Variants in ARHGAP11A observed in about 807,000 individuals in gnomAD.
The protein encoded by ARHGAP11A is rho GTPase-activating protein 11A.
Under a neutral mutation model 60.5 loss-of-function variants are expected in ARHGAP11A, and 36 were observed. The observed-to-expected ratio is 0.59, with a 90% CI of 0.46 to 0.79. The LOEUF (loss-of-function observed/expected upper bound fraction) is 0.79. ARHGAP11A is among the 30% of genes least tolerant of loss of function. The pLI is 0.00. For synonymous variants in ARHGAP11A, 362 were observed against 415.5 expected (o/e 0.87, Z 1.57); for missense variants, 1,071 against 1,199.2 (o/e 0.89, Z 1.58).
chr15:32,631,662 G>C (rs951177535), intron 8 of ARHGAP11A, among the ~76,000 whole-genome samples: 1 of 152,128 alleles, frequency 6.6e-6, no homozygotes, highest in Non-Finnish European at 1.5e-5. Context: ...TGCCTCCTGC[G>C]ACCATTGACA....
intron 2 of ARHGAP11A, among the ~76,000 whole-genome samples, chr15:32,622,437 A>G (rs2053358320): frequency 6.6e-6 from 1 of 152,164 alleles, no homozygotes; most frequent in East Asian, 1.9e-4. Flanking sequence ...AAGAAAAAAA[A>G]AAGCAGATTT....
At position 32,637,014 on chromosome 15, in the gene ARHGAP11A, C is replaced by T. The variant is rs2140479291; in HGVS notation, c.2241C>T (p.Asn747=). The change falls in exon 12 of 12, where the codon AAC becomes AAT. Residue 747 remains asparagine (N), a synonymous_variant. Transcript: ENST00000361627. ...AGAATGAGAATATGATGGAAGGTAACTTACCGAAGTGTGCAGCACATAGCA... is the reference window on the plus strand; with the variant it reads ...AGAATGAGAATATGATGGAAGGTAATTTACCGAAGTGTGCAGCACATAGCA... ...LKENENMMEG[N]LPKCAAHSKD... 6.2e-7 allele frequency: 1 copy of T among 1,612,760 alleles called. No homozygotes were observed.
chr15:32,626,302 G>A (rs2053456465), intron 6 of ARHGAP11A, among the ~76,000 whole-genome samples: 1 of 152,072 alleles, frequency 6.6e-6, no homozygotes, highest in African/African-American at 2.4e-5. Context: ...ACATGGATTA[G>A]TTAGGAGTAC....
intron 8 of ARHGAP11A, among the ~76,000 whole-genome samples, chr15:32,632,440 A>G (rs1302362097): frequency 6.6e-6 from 1 of 152,258 alleles, no homozygotes; most frequent in Non-Finnish European, 1.5e-5. Flanking sequence ...AACAAATTAC[A>G]TTCCGGAGTC....
rs543308691 is a variant in ARHGAP11A, at chr15:32,637,434, A to G, written c.2661A>G (p.Ala887=). 9.3e-6 allele frequency: 15 copies of G among 1,614,082 alleles called. No individual in the cohort carries two copies. In the African/African-American group the frequency reaches 1.3e-4, roughly 14 times the overall value. The change falls in exon 12 of 12, where the codon GCA becomes GCG. Residue 887 remains alanine, a synonymous_variant. Coordinates refer to ENST00000361627, the MANE Select transcript of ARHGAP11A (RefSeq NM_014783.6). ...DGALSSCIES[A]SKDSSVSCIK... is the part of the protein sequence containing the mutation. ...CTCTTTCCTCTTGTATAGAAAGTGC[A>G]TCAAAAGATTCCTCTGTTTCATGTA...
chr15:32,626,756 T>G (rs2053467719), intron 6 of ARHGAP11A, among the ~76,000 whole-genome samples: 2 of 152,206 alleles, frequency 1.3e-5, no homozygotes, highest in South Asian at 4.1e-4. Context: ...TCCTGGCTCC[T>G]GGTAGTGGCT....
Position 32,635,890 on chromosome 15 carries a change from T to C in ARHGAP11A, c.1458T>C (p.Asp486=), listed in dbSNP as rs1402535037. The C allele has an allele frequency of 1.2e-6, 2 of 1,610,102 alleles. No homozygotes were observed. Among genetic ancestry groups the C allele is most frequent in the South Asian group, 2.2e-5 (2 of 89,886 alleles). ...AAACAGGTTTGCTTTTTAGCCCAGATGTTGATGAAAAGTTACCAAAGAAAG... is the reference window on the plus strand; with the variant it reads ...AAACAGGTTTGCTTTTTAGCCCAGACGTTGATGAAAAGTTACCAAAGAAAG... ...SVKTGLLFSP[D]VDEKLPKKGS... Residue 486 remains aspartate, a synonymous_variant, in exon 11 of 12, where the codon GAT becomes GAC. Transcript: ENST00000361627.
In ARHGAP11A at chr15:32,636,697, A is replaced by G; in HGVS notation, c.1924A>G (p.Asn642Asp). The G allele has an allele frequency of 6.2e-7, 1 of 1,613,926 alleles. No homozygotes were observed. Among genetic ancestry groups the G allele is most frequent in the Non-Finnish European group, 8.5e-7 (1 of 1,179,948 alleles). The change falls in exon 12 of 12, where the codon AAT becomes GAT. Residue 642 changes from asparagine (N) to aspartate (D), a missense_variant. Coordinates refer to ENST00000361627, the MANE Select transcript of ARHGAP11A (RefSeq NM_014783.6). ...PSYLEDSPEE[N>D]LFETNDLTIV... is the part of the protein sequence containing the mutation. ...TTATTTAGAAGATAGCCCAGAGGAAAATCTATTTGAAACTAATGATTTGAC... is the reference window on the plus strand; with the variant it reads ...TTATTTAGAAGATAGCCCAGAGGAAGATCTATTTGAAACTAATGATTTGAC...
chr15:32,632,810 A>G (rs989183004), intron 8 of ARHGAP11A, 169 bp from the exon 9 acceptor site: 2 of 544,236 alleles, frequency 3.7e-6, no homozygotes, highest in African/African-American at 3.8e-5. Context: ...GCTTTTTCTT[A>G]GCTGAGTTGG....
intron 1 of ARHGAP11A, among the ~76,000 whole-genome samples, chr15:32,616,811 G>C (rs1288628873): frequency 1.3e-5 from 2 of 152,338 alleles, no homozygotes; most frequent in East Asian, 3.9e-4. Flanking sequence ...GTTGTAGAGG[G>C]ACAAGGGAGA....
At chr15:32,616,972 A>G (rs1163801214) in intron 1 of ARHGAP11A, among the ~76,000 whole-genome samples, 2 of 152,164 alleles carry the variant, frequency 1.3e-5, no homozygotes, top group Non-Finnish European at 2.9e-5. Flanking sequence ...TTTTTTTTGT[A>G]TGAGTAAATT....
Position 32,639,934 on chromosome 15 carries a change from A to G in ARHGAP11A, c.*2089A>G, listed in dbSNP as rs1233796460. ...GTCTTATAAATGTAAATAAAGATCT[A>G]ATATTAATTTGGTTATCTAATAACA... On this transcript the variant is annotated 3_prime_UTR_variant, in exon 12 of 12. Coordinates refer to ENST00000361627, the MANE Select transcript of ARHGAP11A (RefSeq NM_014783.6). 1 of 152,134 alleles carries G rather than the reference A, an allele frequency of 6.6e-6. No individual in the cohort carries two copies. Among genetic ancestry groups the G allele is most frequent in the East Asian group, 1.9e-4 (1 of 5,192 alleles). 9.4% of individuals were successfully genotyped at this position (152,134 alleles called of 1,614,324 possible). A position where few individuals can be genotyped will look rare whatever the true frequency, so the allele number is the denominator to read the frequency against.
intron 2 of ARHGAP11A, among the ~76,000 whole-genome samples, chr15:32,621,821 C>CAA (rs376053100): frequency 4.3e-4 from 52 of 120,880 alleles, no homozygotes; most frequent in African/African-American, 7.9e-4. Flanking sequence ...GACTCCGTCT[C>CAA]AAAAAAAAAA....
At chr15:32,617,697 C>T (rs1595756719) in intron 1 of ARHGAP11A, among the ~76,000 whole-genome samples, 1 of 152,158 alleles carries the variant, frequency 6.6e-6, no homozygotes, top group Non-Finnish European at 1.5e-5. Context: ...TGGTCTCGAT[C>T]TCCTGCCCTC....
chr15:32,615,462 G>A (rs2053108968), upstream of ARHGAP11A: 1 of 151,914 alleles, frequency 6.6e-6, no homozygotes, highest in African/African-American at 2.4e-5. Flanking sequence ...GTGGAGCGCT[G>A]TTTCGCGCTG....
chr15:32,619,879 A>G (rs992693350), intron 1 of ARHGAP11A, among the ~76,000 whole-genome samples: 1 of 152,120 alleles, frequency 6.6e-6, no homozygotes, highest in African/African-American at 2.4e-5. Context: ...TTTGAGGGGA[A>G]TGACATTATC....
intron 1 of ARHGAP11A, among the ~76,000 whole-genome samples, chr15:32,619,356 T>C (rs2053242262): frequency 2.0e-5 from 3 of 152,250 alleles, no homozygotes; most frequent in Admixed American, 1.3e-4. Flanking sequence ...TTCGAATGCA[T>C]GCACAAAGAT....
chr15:32,635,351 G>A (rs373666508), intron 10 of ARHGAP11A, among the ~76,000 whole-genome samples: 45 of 151,710 alleles, frequency 3.0e-4, no homozygotes, highest in African/African-American at 1.1e-3. Flanking sequence ...ACTTTTCTCC[G>A]TAGCACTTTT....
chr15:32,638,165 C>T lies in ARHGAP11A; in HGVS notation c.*320C>T. On this transcript the variant is annotated 3_prime_UTR_variant, in exon 12 of 12. Coordinates refer to ENST00000361627, the MANE Select transcript of ARHGAP11A (RefSeq NM_014783.6). ...GCAATCTCACTGCAAGCTCCACTTC[C>T]TGGGTTCATGCCATTTTCCTGCCTC... 1 of 213,174 alleles carries T rather than the reference C, an allele frequency of 4.7e-6. No homozygotes were observed. The highest frequency in any genetic ancestry group is 9.2e-6 in the Non-Finnish European group (1 of 108,414). 13.2% of individuals were successfully genotyped at this position (213,174 alleles called of 1,614,324 possible).
Sources: gnomAD v4.1 joint callset for allele counts (sites outside exome capture counted in the v4.1 genomes callset) on GRCh38, gnomAD v4.1.1 for gene constraint, MANE v1.5 for transcripts, NCBI Gene and HGNC (gene_info 2026-07-23, HGNC 2026-07-21) for gene names.